The following SUFU variants were observed in gnomAD, a reference collection of about 807,000 sequenced individuals.
SUFU encodes SUFU negative regulator of hedgehog signaling, also known as suppressor of fused homolog.
In SUFU, 7 loss-of-function variants were observed where a neutral mutation model predicts 58.9. The ratio of observed to expected loss-of-function variants is 0.12; its 90% CI spans 0.07 to 0.22. SUFU has a LOEUF of 0.22. Ranked by LOEUF, SUFU falls within the 10% of genes least tolerant of loss-of-function variation. The probability of loss-of-function intolerance (pLI) is 1.00; values close to 1 mark genes in which losing one functional copy is unlikely to be tolerated. For synonymous variants in SUFU, 232 were observed against 254.8 expected (o/e 0.91, Z 0.85); for missense variants, 451 against 641.3 (o/e 0.70, Z 3.20).
chr10:102,559,847 G>A (rs916016181), intron 3 of SUFU, among the ~76,000 whole-genome samples: 2 of 152,150 alleles, frequency 1.3e-5, no homozygotes, highest in East Asian at 3.9e-4. Context: ...TTTCATTTGC[G>A]TTTTTAGGAA....
At chr10:102,513,164 A>G (rs1485767746) in intron 2 of SUFU, among the ~76,000 whole-genome samples, 1 of 152,170 alleles carries the variant, frequency 6.6e-6, no homozygotes, top group East Asian at 1.9e-4. Context: ...GATCCTGTTA[A>G]GTTTCTTGAA....
At chr10:102,547,065 G>A (rs1188964465) in intron 2 of SUFU, among the ~76,000 whole-genome samples, 1 of 152,264 alleles carries the variant, frequency 6.6e-6, no homozygotes, top group Non-Finnish European at 1.5e-5. Flanking sequence ...AGAGGAACAA[G>A]TTTCTTTTAG....
chr10:102,517,211 T>G (rs551239592), intron 2 of SUFU, among the ~76,000 whole-genome samples: 1 of 151,756 alleles, frequency 6.6e-6, no homozygotes, highest in Non-Finnish European at 1.5e-5. Context: ...TCGCTTGGAC[T>G]CGGGGGCCAG....
chr10:102,521,823 C>A (rs999962998), intron 2 of SUFU, among the ~76,000 whole-genome samples: 3 of 152,150 alleles, frequency 2.0e-5, no homozygotes, highest in African/African-American at 7.2e-5. Context: ...TATCCAATGT[C>A]TTAGTTGTAA....
rs145947864 is a variant in SUFU, at chr10:102,577,240, C to T, written c.455-15342C>T. 3.1e-3 allele frequency among the ~76,000 whole-genome samples: 474 copies of T among 151,962 alleles called. 4 individuals carry two copies. Among genetic ancestry groups the T allele is most frequent in the African/African-American group, 0.011 (451 of 41,434 alleles). On this transcript the variant is annotated intron_variant, in intron 3 of 11. Coordinates refer to ENST00000369902, the MANE Select transcript of SUFU (RefSeq NM_016169.4). The stretch of plus-strand genomic sequence containing the variant: ...CTGGCATTATAGGCGTCCACTAACA[C>T]GCCAAGCTAATTTTTGTATTTTTAG...
At chr10:102,558,700 C>T (rs2063005808) in intron 3 of SUFU, among the ~76,000 whole-genome samples, 1 of 152,228 alleles carries the variant, frequency 6.6e-6, no homozygotes, top group South Asian at 2.1e-4. Context: ...AAAGCAAAGG[C>T]TAACCACCAG....
chr10:102,599,587 T>G, intron 8 of SUFU, 43 bp downstream of exon 8: 1 of 1,544,090 alleles, frequency 6.5e-7, no homozygotes, highest in Non-Finnish European at 9.0e-7. Context: ...GAGGACGACT[T>G]TTTTCTGAAG....
At chr10:102,607,826 G>A (rs1444245616) in intron 8 of SUFU, among the ~76,000 whole-genome samples, 3 of 151,934 alleles carry the variant, frequency 2.0e-5, no homozygotes, top group Non-Finnish European at 2.9e-5. Context: ...CAGGAGAATC[G>A]CTTGAACCCA....
chr10:102,584,095 A>G (rs1331987952), intron 3 of SUFU, among the ~76,000 whole-genome samples: 1 of 152,228 alleles, frequency 6.6e-6, no homozygotes, highest in African/African-American at 2.4e-5. Context: ...GAGTAATAAC[A>G]TACTGCAGTA....
chr10:102,559,191 C>A (rs1331737226), intron 3 of SUFU, among the ~76,000 whole-genome samples: 1 of 152,190 alleles, frequency 6.6e-6, no homozygotes, highest in Non-Finnish European at 1.5e-5. Flanking sequence ...GAACCAAAAC[C>A]TCCACAGAAC....
At chr10:102,547,919 G>A (rs2062870921) in intron 2 of SUFU, among the ~76,000 whole-genome samples, 1 of 152,090 alleles carries the variant, frequency 6.6e-6, no homozygotes, top group Non-Finnish European at 1.5e-5. Flanking sequence ...GAGAGGCTGA[G>A]GCCAAAGGAT....
chr10:102,623,991 T>C (rs2063764916), intron 10 of SUFU, among the ~76,000 whole-genome samples: 1 of 152,146 alleles, frequency 6.6e-6, no homozygotes, highest in Non-Finnish European at 1.5e-5. Flanking sequence ...GTACCTACCC[T>C]TGGGCAAAGT....
intron 2 of SUFU, among the ~76,000 whole-genome samples, chr10:102,541,374 T>G (rs1297254655): frequency 6.8e-6 from 1 of 147,912 alleles, no homozygotes; most frequent in Admixed American, 7.1e-5. Context: ...GTAATGTATA[T>G]TTTCCTACTT....
rs1486454747 is a variant in SUFU, at chr10:102,625,003, A to AT, written c.1297-2170dup. On this transcript the variant is annotated intron_variant, in intron 10 of 11. Transcript: ENST00000369902. This position sits in a 1 kb window ranked among gnomAD's most constrained non-coding sequence, Gnocchi z 4.7. ...CCCAGACTGGAGCCATTGTAATATAATTGGGTTTTAGGTATGCTTGTGTTT... is the reference window on the plus strand; with the variant it reads ...CCCAGACTGGAGCCATTGTAATATAATTTGGGTTTTAGGTATGCTTGTGTTT... Among the ~76,000 whole-genome samples, 1 of 152,192 alleles carries AT rather than the reference A, an allele frequency of 6.6e-6. No homozygotes were observed. The highest frequency in any genetic ancestry group is 2.4e-5 in the African/African-American group (1 of 41,442).
chr10:102,607,811 C>T (rs772848743), intron 8 of SUFU, among the ~76,000 whole-genome samples: 3 of 151,254 alleles, frequency 2.0e-5, no homozygotes, highest in Admixed American at 6.6e-5. Flanking sequence ...CTCGGGAGGC[C>T]GAGGCAGGAG....
chr10:102,504,005 T>G lies in SUFU; in HGVS notation c.-148T>G. ...CGGCGGCGACAGCCTGGGCGGACAG[T>G]GCGCCGTGCGCAGGCGCGGAGCTAG... On this transcript the variant is annotated 5_prime_UTR_variant, in exon 1 of 12. Coordinates refer to ENST00000369902, the MANE Select transcript of SUFU (RefSeq NM_016169.4). 8.7e-7 allele frequency: 1 copy of G among 1,152,626 alleles called. No individual in the cohort carries two copies. The highest frequency in any genetic ancestry group is 1.2e-6 in the Non-Finnish European group (1 of 869,536). 71.4% of individuals were successfully genotyped at this position (1,152,626 alleles called of 1,614,324 possible).
At chr10:102,589,911 T>C (rs2063377609) in intron 3 of SUFU, among the ~76,000 whole-genome samples, 4 of 152,146 alleles carry the variant, frequency 2.6e-5, no homozygotes. Context: ...GTGGGGTTTT[T>C]TGTTAATGTC....
intron 3 of SUFU, chr10:102,590,886 T>G (rs1450649517): frequency 6.6e-6 from 1 of 152,136 alleles, no homozygotes; most frequent in Non-Finnish European, 1.5e-5. Context: ...TAGCAGGAAT[T>G]TGGAAATTTA....
intron 3 of SUFU, among the ~76,000 whole-genome samples, chr10:102,566,404 TG>T (rs1164693631): frequency 6.6e-6 from 1 of 151,836 alleles, no homozygotes; most frequent in Non-Finnish European, 1.5e-5. Flanking sequence ...CTGAGATGGG[TG>T]GATCACCTGA....
Sources: gnomAD v4.1 joint callset for allele counts (sites outside exome capture counted in the v4.1 genomes callset) on GRCh38, gnomAD v4.1.1 for gene constraint, Gnocchi (gnomAD v3.1) non-coding constraint, MANE v1.5 for transcripts, NCBI Gene and HGNC (gene_info 2026-07-23, HGNC 2026-07-21) for gene names.